The following NECTIN3 variants were observed in gnomAD, a reference collection of about 807,000 sequenced individuals.
The protein encoded by NECTIN3 is nectin cell adhesion molecule 3.
Under a neutral mutation model 49.4 loss-of-function variants are expected in NECTIN3, and 8 were observed. That is an observed-to-expected ratio of 0.16 (90% CI 0.10 to 0.29). The LOEUF is 0.29. Ranked by LOEUF, NECTIN3 falls within the 10% of genes least tolerant of loss-of-function variation. The pLI, the probability that NECTIN3 is intolerant of heterozygous loss-of-function variation, is 1.00. For missense variants in NECTIN3, 581 were observed against 654.6 expected, an observed-to-expected ratio of 0.89 and a Z score of 1.23; for synonymous variants, 277 against 241.1, an observed-to-expected ratio of 1.15 and a Z score of -1.38.
chr3:111,077,289 T>C (rs1057406426), intron 1 of NECTIN3: 4 of 340,052 alleles, frequency 1.2e-5, no homozygotes, highest in Admixed American at 8.9e-5. Context: ...TGAGTAGATA[T>C]TCATAAACTG....
At chr3:111,177,513 A>AT (rs1255079783) in intron 7 of NECTIN3, among the ~76,000 whole-genome samples, 6 of 152,120 alleles carry the variant, frequency 3.9e-5, no homozygotes, top group African/African-American at 1.4e-4. Context: ...TAAGATGTGT[A>AT]TTTTTTAAGA....
upstream of NECTIN3, among the ~76,000 whole-genome samples, chr3:111,189,087 G>C (rs2035771221): frequency 6.6e-6 from 1 of 152,122 alleles, no homozygotes. Context: ...TTGTACTACT[G>C]TTAAGGAATG....
At chr3:111,151,856 T>C (rs1174144503) in intron 7 of NECTIN3, among the ~76,000 whole-genome samples, 1 of 151,810 alleles carries the variant, frequency 6.6e-6, no homozygotes, top group Non-Finnish European at 1.5e-5. Context: ...TTTTCTAAGG[T>C]CTCATTCCTA....
At chr3:111,152,487 C>T (rs2035020417) in intron 7 of NECTIN3, among the ~76,000 whole-genome samples, 1 of 151,772 alleles carries the variant, frequency 6.6e-6, no homozygotes, top group African/African-American at 2.4e-5. Context: ...TGGGTTTCTC[C>T]ATCTTTTCAA....
chr3:111,171,359 CT>C (rs2035429235), intron 7 of NECTIN3, among the ~76,000 whole-genome samples: 1 of 152,192 alleles, frequency 6.6e-6, no homozygotes, highest in Non-Finnish European at 1.5e-5. Flanking sequence ...TTCACCTCAA[CT>C]CTGTTTCCTC....
chr3:111,094,712 A>G lies in NECTIN3; in HGVS notation c.161-17318A>G, dbSNP rs142342397. On this transcript the variant is annotated intron_variant, in intron 1 of 5. Coordinates refer to ENST00000485303, the MANE Select transcript of NECTIN3 (RefSeq NM_015480.3). ...CAGGAACAAGTTGTGACATTTATGA[A>G]ATGTTACCAGCCACAGAAGCTCATT... Among the ~76,000 whole-genome samples the G allele has an allele frequency of 1.6e-3, 238 of 152,334 alleles. 1 individual carries two copies. Among genetic ancestry groups the G allele is most frequent in the African/African-American group, 5.6e-3 (233 of 41,578 alleles).
intron 5 of NECTIN3, among the ~76,000 whole-genome samples, chr3:111,129,104 A>G (rs2034283100): frequency 6.6e-6 from 1 of 152,086 alleles, no homozygotes; most frequent in African/African-American, 2.4e-5. Flanking sequence ...TTCCTACCTC[A>G]GAGTCTTTTG....
At chr3:111,100,425 A>C (rs926925113) in intron 1 of NECTIN3, among the ~76,000 whole-genome samples, 33 of 152,142 alleles carry the variant, frequency 2.2e-4, no homozygotes, top group African/African-American at 7.2e-4. Context: ...ATTTTAAAAA[A>C]TACTGTGTAA....
intron 7 of NECTIN3, among the ~76,000 whole-genome samples, chr3:111,157,520 G>A (rs948931803): frequency 6.6e-6 from 1 of 151,956 alleles, no homozygotes; most frequent in Non-Finnish European, 1.5e-5. Flanking sequence ...CATTGATTGG[G>A]GAATGTAGTT....
upstream of NECTIN3, among the ~76,000 whole-genome samples, chr3:111,187,625 G>T (rs750471170): frequency 6.6e-6 from 1 of 152,018 alleles, no homozygotes; most frequent in Non-Finnish European, 1.5e-5. Flanking sequence ...GTGCTAAAAA[G>T]GAATAAACCA....
At chr3:111,095,657 G>A (rs891915206) in intron 1 of NECTIN3, among the ~76,000 whole-genome samples, 1 of 152,166 alleles carries the variant, frequency 6.6e-6, no homozygotes, top group Non-Finnish European at 1.5e-5. Context: ...GGGACCCTAT[G>A]GGAGGTAATT....
intron 7 of NECTIN3, among the ~76,000 whole-genome samples, chr3:111,174,621 C>A (rs917714391): frequency 5.3e-5 from 8 of 151,572 alleles, no homozygotes; most frequent in Admixed American, 1.3e-4. Context: ...CTACAGTGTG[C>A]TGGGTACTGA....
intron 7 of NECTIN3, among the ~76,000 whole-genome samples, chr3:111,173,940 A>C (rs1381400962): frequency 1.3e-5 from 2 of 152,030 alleles, no homozygotes; most frequent in Non-Finnish European, 1.5e-5. Flanking sequence ...TTGAGAACCT[A>C]GCTGTCATCA....
chr3:111,119,685 G>A (rs550465551), intron 3 of NECTIN3, among the ~76,000 whole-genome samples: 2 of 152,196 alleles, frequency 1.3e-5, no homozygotes, highest in African/African-American at 4.8e-5. Flanking sequence ...GTTTCTTAGT[G>A]TTTAATACAT....
intron 1 of NECTIN3, among the ~76,000 whole-genome samples, chr3:111,080,860 C>A (rs547273974): frequency 6.6e-6 from 1 of 152,210 alleles, no homozygotes; most frequent in Non-Finnish European, 1.5e-5. Context: ...ACATTTGTAA[C>A]AACATGCCAA....
At chr3:111,175,571 G>T (rs533329539) in intron 7 of NECTIN3, among the ~76,000 whole-genome samples, 1 of 152,080 alleles carries the variant, frequency 6.6e-6, no homozygotes, top group Non-Finnish European at 1.5e-5. Context: ...TATTACTTAG[G>T]ATGAGATTAT....
rs200130886 is a variant in NECTIN3, at chr3:111,126,258, A to G, written c.992A>G (p.Asn331Ser). The change falls in exon 5 of 6, where the codon AAT (asparagine) becomes AGT (serine). Residue 331 changes from asparagine (N) to serine (S), a missense_variant. Coordinates refer to ENST00000485303, the MANE Select transcript of NECTIN3 (RefSeq NM_015480.3). ...CATTTTGTCCATCCATTGACTTTCAATTATTCTGGTGTTTATATCTGTAAA... is the reference window on the plus strand; with the variant it reads ...CATTTTGTCCATCCATTGACTTTCAGTTATTCTGGTGTTTATATCTGTAAA... Reference protein sequence around the residue: ...TLHFVHPLTFNYSGVYICKVT... With the variant: ...TLHFVHPLTFSYSGVYICKVT... The G allele has an allele frequency of 8.3e-5, 133 of 1,610,578 alleles. 1 individual carries two copies. The highest frequency in any genetic ancestry group is 9.8e-5 in the Non-Finnish European group (116 of 1,178,872).
chr3:111,142,759 C>A, intron 5 of NECTIN3, among the ~76,000 whole-genome samples: 1 of 151,330 alleles, frequency 6.6e-6, no homozygotes. Context: ...TAATTTAGCC[C>A]CACTCAAAGA....
intron 6 of NECTIN3, among the ~76,000 whole-genome samples, chr3:111,147,135 C>T (rs185899601): frequency 1.6e-4 from 24 of 152,238 alleles, no homozygotes; most frequent in African/African-American, 5.8e-4. Context: ...TACTGGATTA[C>T]TTAATTTCAA....
Sources: allele counts gnomAD v4.1 joint callset (sites outside exome capture counted in the v4.1 genomes callset), GRCh38; gene constraint gnomAD v4.1.1; transcripts MANE v1.5; gene names NCBI Gene and HGNC (gene_info 2026-07-23, HGNC 2026-07-21).